The following MAN2B1 variants were observed in gnomAD, a reference collection of about 807,000 sequenced individuals.
The protein encoded by MAN2B1 is mannosidase alpha class 2B member 1, also known as lysosomal alpha-mannosidase.
MAN2B1 carries 99 observed loss-of-function variants against 127.5 expected under a neutral mutation model. That is an observed-to-expected ratio of 0.78 (90% CI 0.66 to 0.92). The LOEUF is 0.92. MAN2B1 is among the 40% of genes least tolerant of loss of function. The probability of loss-of-function intolerance (pLI) is 0.00; values close to 1 mark genes in which losing one functional copy is unlikely to be tolerated. For missense variants in MAN2B1, 1,304 were observed against 1,384.8 expected, an observed-to-expected ratio of 0.94 and a Z score of 0.93; for synonymous variants, 573 against 568.8, an observed-to-expected ratio of 1.01 and a Z score of -0.11.
intron 13 of MAN2B1, chr19:12,656,149 G>A (rs2023950305): frequency 2.1e-6 from 1 of 474,086 alleles, no homozygotes; most frequent in African/African-American, 2.0e-5. Context: ...CAGGTTCTCG[G>A]GGGAGGAAGA....
At chr19:12,650,419 C>T (rs931060492) in intron 16 of MAN2B1, among the ~76,000 whole-genome samples, 197 bp from the exon 17 acceptor site, 54 of 145,976 alleles carry the variant, frequency 3.7e-4, no homozygotes, top group African/African-American at 1.2e-3. Context: ...AGTGCAGTGG[C>T]GCGATCTCGG....
chr19:12,658,656 GA>G, intron 7 of MAN2B1, 146 bp from the exon 8 acceptor site: 1 of 771,074 alleles, frequency 1.3e-6, no homozygotes, highest in Admixed American at 2.1e-5. Flanking sequence ...GGTTGGGTGT[GA>G]AAATGAATTT....
intron 12 of MAN2B1, 125 bp from the exon 13 acceptor site, chr19:12,656,812 G>A: frequency 9.7e-7 from 1 of 1,027,230 alleles, no homozygotes; most frequent in Non-Finnish European, 1.5e-6. Context: ...AAGCCCCCTC[G>A]AGATGCGTTG....
chr19:12,665,374 G>T lies in MAN2B1; in HGVS notation c.414C>A (p.Val138=). The T allele has an allele frequency of 6.2e-7, 1 of 1,608,970 alleles. No individual in the cohort carries two copies. The highest frequency in any genetic ancestry group is 8.5e-7 in the Non-Finnish European group (1 of 1,180,004). ...WHQQTNATQE[V]VRDLVRQGRL... is the part of the protein sequence containing the mutation. ...CACCCTGGCGCACAAGGTCTCGCAC[G>T]ACTTCCTGTGTGGCATTTGTCTGCT... is the stretch of plus-strand genomic sequence containing the variant. The change falls in exon 3 of 24, where the codon GTC becomes GTA. Residue 138 remains valine, a synonymous_variant. Coordinates refer to ENST00000456935, the MANE Select transcript of MAN2B1 (RefSeq NM_000528.4).
At chr19:12,664,205 G>A (rs752163312) in intron 4 of MAN2B1, among the ~76,000 whole-genome samples, 13 of 152,176 alleles carry the variant, frequency 8.5e-5, no homozygotes, top group Non-Finnish European at 1.8e-4. Flanking sequence ...CAGCCTGGAT[G>A]ACAGCAAGAC....
At chr19:12,655,606 G>A (rs2145249771) in intron 14 of MAN2B1, 88 bp downstream of exon 14, 1 of 1,362,894 alleles carries the variant, frequency 7.3e-7, no homozygotes. Flanking sequence ...ATAAGCCTAG[G>A]GACCTGCTGA....
In MAN2B1 at chr19:12,649,904, AC is replaced by A. The variant is rs572289342; in HGVS notation, c.2267+8del. On this transcript the variant is annotated splice_region_variant and intron_variant, in intron 18 of 23. Coordinates refer to ENST00000456935, the MANE Select transcript of MAN2B1 (RefSeq NM_000528.4). ...GACCACCCCCTCAGTGCTCTCAGTC[AC>A]CCCCCACCTCCTCTCCAGGATCTCC... 4 of 1,535,298 alleles carry A rather than the reference AC, an allele frequency of 2.6e-6. No individual in the cohort carries two copies. Among genetic ancestry groups the A allele is most frequent in the Non-Finnish European group, 1.8e-6 (2 of 1,128,228 alleles).
Position 12,648,275 on chromosome 19 carries a change from C to T in MAN2B1, c.2564G>A (p.Gly855Glu). 1.2e-6 allele frequency: 2 copies of T among 1,609,392 alleles called. No homozygotes were observed. Among genetic ancestry groups the T allele is most frequent in the African/African-American group, 1.3e-5 (1 of 74,938 alleles). The change falls in exon 21 of 24, where the codon GGA becomes GAA. Residue 855 changes from glycine to glutamate, a missense_variant. Transcript: ENST00000456935. Reference protein sequence around the residue: ...LLDTAQAAAAGHRLLAEQEVL... With the variant: ...LLDTAQAAAAEHRLLAEQEVL... ...CTCCTGCTCCGCCAGGAGCCGGTGTCCGGCGGCTGCAGCCTGGGCTGTGTC... is the reference window on the plus strand; with the variant it reads ...CTCCTGCTCCGCCAGGAGCCGGTGTTCGGCGGCTGCAGCCTGGGCTGTGTC...
chr19:12,659,297 C>CTTT (rs34781385), intron 7 of MAN2B1, among the ~76,000 whole-genome samples: 9 of 113,940 alleles, frequency 7.9e-5, no homozygotes, highest in South Asian at 2.9e-4. Flanking sequence ...GCTCAATAAA[C>CTTT]TTTTTTTTTT....
chr19:12,664,215 C>A (rs917017484), intron 4 of MAN2B1, among the ~76,000 whole-genome samples: 1 of 152,126 alleles, frequency 6.6e-6, no homozygotes, highest in Admixed American at 6.5e-5. Context: ...GACAGCAAGA[C>A]CCTGTCTCAA....
Position 12,647,262 on chromosome 19 carries a change from G to A in MAN2B1, c.2894C>T (p.Ala965Val). ...GTTTGTTGTCCACTTGAGCCTGGAG[G>A]CTGCCTCGCGGAGCTGGTTGGCCAC... ...TLVANQLREA[A>V]SRLKWTTNTG... The change falls in exon 23 of 24, where the codon GCC becomes GTC. Residue 965 changes from alanine to valine, a missense_variant. Physicochemically the swap from Ala to Val is moderately conservative, Grantham distance 64. Coordinates refer to ENST00000456935, the MANE Select transcript of MAN2B1 (RefSeq NM_000528.4). The surrounding 1 kb of genome is among the most constrained non-coding windows in gnomAD (Gnocchi z 4.9). 1 of 1,614,100 alleles carries A rather than the reference G, an allele frequency of 6.2e-7. No homozygotes were observed. Among genetic ancestry groups the A allele is most frequent in the South Asian group, 1.1e-5 (1 of 91,080 alleles).
chr19:12,650,404 G>A (rs1292534196), intron 16 of MAN2B1, among the ~76,000 whole-genome samples, 182 bp from the exon 17 acceptor site: 1 of 149,816 alleles, frequency 6.7e-6, no homozygotes, highest in African/African-American at 2.5e-5. Context: ...TTTTGCCCAG[G>A]CGGGAGTGCA....
In MAN2B1 at chr19:12,650,508, G is replaced by A. The variant is rs537947595; in HGVS notation, c.2047-286C>T. ...CGAGTAGCTGGGACTACAGGCACCC[G>A]CCACCACACCCGGCTAATTTTTTGT... On this transcript the variant is annotated intron_variant, in intron 16 of 23. Coordinates refer to ENST00000456935, the MANE Select transcript of MAN2B1 (RefSeq NM_000528.4). 7.4e-5 allele frequency among the ~76,000 whole-genome samples: 11 copies of A among 147,868 alleles called. No homozygotes were observed. The East Asian group carries it at 8.2e-4, about 11-fold the overall frequency.
Position 12,648,340 on chromosome 19 carries a change from C to T in MAN2B1, c.2499G>A (p.Gly833=), listed in dbSNP as rs886750475. Residue 833 remains glycine (G), a synonymous_variant, in exon 21 of 24, where the codon GGG becomes GGA. Transcript: ENST00000456935. ...RGVSEPLMEN[G]SGAWVRGRHL... Reference sequence around the variant, plus strand: ...GGCGCCCTCGCACCCACGCCCCCGACCCGTTCTCCATTAGTGGCTCCGATA... The same window carrying T: ...GGCGCCCTCGCACCCACGCCCCCGATCCGTTCTCCATTAGTGGCTCCGATA... 3.1e-6 allele frequency: 5 copies of T among 1,613,748 alleles called. No homozygotes were observed. Among genetic ancestry groups the T allele is most frequent in the East Asian group, 2.2e-5 (1 of 44,882 alleles).
chr19:12,655,973 G>C, intron 13 of MAN2B1, 94 bp from the exon 14 acceptor site: 1 of 978,730 alleles, frequency 1.0e-6, no homozygotes, highest in South Asian at 1.3e-5. Context: ...AAAGAGTCCT[G>C]AGATGGGGAA....
rs1161971294 is a variant in MAN2B1 at position 12,665,494 on chromosome 19, C to A, written c.294G>T (p.Gln98His). 6.2e-7 allele frequency: 1 copy of A among 1,614,194 alleles called. No homozygotes were observed. The change falls in exon 3 of 24, where the codon CAG (glutamine) becomes CAT (histidine). Residue 98 changes from glutamine (Q) to histidine (H), a missense_variant. Gln to His is a conservative substitution (Grantham distance 24, BLOSUM62 0). Transcript: ENST00000456935. The part of the protein sequence containing the change: ...IKNDIQHAGV[Q>H]YILDSVISAL... ...CAGAGATGACCGAGTCCAGGATGTA[C>A]TGCACACCGGCGTGCTGGATGTCAT...
rs2023708864 is a variant in MAN2B1, at chr19:12,647,221, C to T, written c.2923+12G>A. 1 of 1,610,530 alleles carries T rather than the reference C, an allele frequency of 6.2e-7. No homozygotes were observed. Among genetic ancestry groups the T allele is most frequent in the East Asian group, 2.2e-5 (1 of 44,862 alleles). The stretch of plus-strand genomic sequence containing the variant: ...GACTCCACCCCTTCCCTACCCCTGA[C>T]CAGGGCCCCACCTGTGTTTGTTGTC... On this transcript the variant is annotated intron_variant, in intron 23 of 23. Transcript: ENST00000456935. The surrounding 1 kb of genome is among the most constrained non-coding windows in gnomAD (Gnocchi z 4.9).
chr19:12,654,774 A>G (rs1222355512), intron 14 of MAN2B1, among the ~76,000 whole-genome samples: 1 of 151,986 alleles, frequency 6.6e-6, no homozygotes, highest in African/African-American at 2.4e-5. Flanking sequence ...ACCTGGGCTC[A>G]AGCAATCCTC....
chr19:12,650,355 TTC>T, intron 16 of MAN2B1, 133 bp from the exon 17 acceptor site: 7 of 629,174 alleles, frequency 1.1e-5, no homozygotes, highest in Middle Eastern at 4.1e-4. Flanking sequence ...CGCCACATAA[TTC>T]TTTTTTTTTT....
Sources: gnomAD v4.1 joint callset for allele counts (sites outside exome capture counted in the v4.1 genomes callset) on GRCh38, gnomAD v4.1.1 for gene constraint, Gnocchi (gnomAD v3.1) non-coding constraint, MANE v1.5 for transcripts, NCBI Gene and HGNC (gene_info 2026-07-23, HGNC 2026-07-21) for gene names.